The following KCNC2 variants were observed in gnomAD, a reference collection of about 807,000 sequenced individuals.
The protein encoded by KCNC2 is potassium voltage-gated channel subfamily C member 2, also known as voltage-gated potassium channel KCNC2.
A neutral mutation model predicts 44.5 loss-of-function variants in KCNC2; 21 were observed. That is an observed-to-expected ratio of 0.47 (90% CI 0.33 to 0.68). The LOEUF is 0.68. Ranked by LOEUF, KCNC2 falls within the 30% of genes least tolerant of loss-of-function variation. The pLI, the probability that KCNC2 is intolerant of heterozygous loss-of-function variation, is 0.01. For missense variants in KCNC2, 589 were observed against 826.2 expected (o/e 0.71, Z 3.52); for synonymous variants, 391 against 339.1 (o/e 1.15, Z -1.68).
intron 2 of KCNC2, among the ~76,000 whole-genome samples, chr12:75,157,726 A>T (rs141102587): frequency 6.6e-6 from 1 of 152,038 alleles, no homozygotes; most frequent in East Asian, 1.9e-4. Context: ...AAGGAATTTA[A>T]GATGCTAAAC....
rs183526806 is a variant in KCNC2, at chr12:75,178,497, A to G, written c.687+28800T>C. On this transcript the variant is annotated intron_variant, in intron 2 of 4. Coordinates refer to ENST00000549446, the MANE Select transcript of KCNC2 (RefSeq NM_139137.4). ...TGTTTCTTAAAATTGTGTTTTGTTT[A>G]CTATTAACAATTTTGCAAAGACTTC... 3.5e-4 allele frequency among the ~76,000 whole-genome samples: 54 copies of G among 152,132 alleles called. 1 individual carries two copies. Among genetic ancestry groups the G allele is most frequent in the African/African-American group, 1.3e-3 (54 of 41,556 alleles).
intron 2 of KCNC2, among the ~76,000 whole-genome samples, chr12:75,166,612 A>G (rs946694742): frequency 4.6e-5 from 7 of 151,326 alleles, no homozygotes; most frequent in African/African-American, 1.2e-4. Context: ...TACAAACTAC[A>G]TTCTGCGATC....
Position 75,207,248 on chromosome 12 carries a change from G to A in KCNC2, c.687+49C>T. 2.0e-6 allele frequency: 3 copies of A among 1,506,392 alleles called. No homozygotes were observed. The highest frequency in any genetic ancestry group is 2.7e-6 in the Non-Finnish European group (3 of 1,130,764). The allele number at this position is 1,506,392 out of a possible 1,614,324, so 93.3% of individuals were successfully genotyped here. ...GGAAAAGAACAGAAAGTTGGGGAGG[G>A]AGTTGGGAGAAGTTGAAGCAGCAGG... On this transcript the variant is annotated intron_variant, in intron 2 of 4. Transcript: ENST00000549446. This position sits in a 1 kb window ranked among gnomAD's most constrained non-coding sequence, Gnocchi z 4.1.
chr12:75,131,701 G>A (rs1888856759), intron 2 of KCNC2, among the ~76,000 whole-genome samples: 1 of 152,128 alleles, frequency 6.6e-6, no homozygotes, highest in South Asian at 2.1e-4. Flanking sequence ...AGGAAGTCAG[G>A]CCCTGTAGGA....
At chr12:75,149,739 A>AT (rs1565893607) in intron 2 of KCNC2, among the ~76,000 whole-genome samples, 1 of 151,864 alleles carries the variant, frequency 6.6e-6, no homozygotes, top group African/African-American at 2.4e-5. Context: ...GAAAAAAAAA[A>AT]GTCTAGTATA....
At chr12:75,153,189 A>G (rs1260323265) in intron 2 of KCNC2, among the ~76,000 whole-genome samples, 28 of 152,054 alleles carry the variant, frequency 1.8e-4, no homozygotes. Context: ...GTGATTGGGA[A>G]GAAGACATGG....
intron 2 of KCNC2, among the ~76,000 whole-genome samples, chr12:75,194,615 C>G (rs1412434808): frequency 6.6e-6 from 1 of 152,086 alleles, no homozygotes; most frequent in East Asian, 1.9e-4. Context: ...CGTGGAAACT[C>G]AGAGAGAGAA....
chr12:75,205,276 A>G (rs983780513), intron 2 of KCNC2, among the ~76,000 whole-genome samples: 1 of 152,106 alleles, frequency 6.6e-6, no homozygotes, highest in African/African-American at 2.4e-5. Context: ...TCCCTCATCT[A>G]CAGTATAAAG....
chr12:75,181,046 T>G (rs1213682833), intron 2 of KCNC2, among the ~76,000 whole-genome samples: 2 of 152,146 alleles, frequency 1.3e-5, no homozygotes, highest in Non-Finnish European at 2.9e-5. Flanking sequence ...AATAAATACT[T>G]AAAAGAGAGT....
chr12:75,087,282 A>G (rs111576969), intron 2 of KCNC2, among the ~76,000 whole-genome samples: 6 of 152,124 alleles, frequency 3.9e-5, no homozygotes, highest in African/African-American at 1.4e-4. Context: ...GAAAGCAGTT[A>G]TGATGAGGAT....
At chr12:75,088,830 T>G (rs1263280250) in intron 2 of KCNC2, among the ~76,000 whole-genome samples, 1 of 151,974 alleles carries the variant, frequency 6.6e-6, no homozygotes, top group African/African-American at 2.4e-5. Context: ...ATATATAATC[T>G]AATATATAAA....
chr12:75,179,686 A>AATAAAAG (rs1361556712), intron 2 of KCNC2, among the ~76,000 whole-genome samples: 1 of 149,944 alleles, frequency 6.7e-6, no homozygotes, highest in African/African-American at 2.5e-5. Flanking sequence ...AAAAACTATA[A>AATAAAAG]AAGATATAAA....
At chr12:75,126,001 A>C (rs1888395070) in intron 2 of KCNC2, among the ~76,000 whole-genome samples, 1 of 152,158 alleles carries the variant, frequency 6.6e-6, no homozygotes. Flanking sequence ...ACACCATACT[A>C]TAAATATTAT....
intron 2 of KCNC2, among the ~76,000 whole-genome samples, chr12:75,065,582 C>T (rs530284159): frequency 8.4e-4 from 128 of 152,104 alleles, no homozygotes; most frequent in African/African-American, 2.7e-3. Context: ...TTCTTAGACA[C>T]GCAATACTTA....
intron 2 of KCNC2, among the ~76,000 whole-genome samples, chr12:75,186,588 T>C (rs185821122): frequency 1.3e-5 from 2 of 152,218 alleles, no homozygotes; most frequent in Admixed American, 1.3e-4. Flanking sequence ...TATGCAACAA[T>C]TACTTTCCTC....
intron 2 of KCNC2, among the ~76,000 whole-genome samples, chr12:75,167,929 C>T (rs1415519428): frequency 2.0e-5 from 3 of 151,212 alleles, no homozygotes; most frequent in Non-Finnish European, 3.0e-5. Flanking sequence ...ATCATCATTT[C>T]CAATTTTATC....
At chr12:75,146,526 C>T (rs997269552) in intron 2 of KCNC2, among the ~76,000 whole-genome samples, 1 of 152,112 alleles carries the variant, frequency 6.6e-6, no homozygotes, top group Non-Finnish European at 1.5e-5. Context: ...TATGTGTAAA[C>T]CACACTTTAT....
chr12:75,148,093 C>G (rs190449419), intron 2 of KCNC2, among the ~76,000 whole-genome samples: 104 of 152,104 alleles, frequency 6.8e-4, no homozygotes, highest in African/African-American at 2.4e-3. Flanking sequence ...TCTCTTTTCC[C>G]CATCCACTTT....
At chr12:75,123,122 G>A (rs948742810) in intron 2 of KCNC2, among the ~76,000 whole-genome samples, 2 of 151,944 alleles carry the variant, frequency 1.3e-5, no homozygotes, top group African/African-American at 4.8e-5. Flanking sequence ...TTTAAAAGAT[G>A]ATTTTTCTCT....
Sources: allele counts gnomAD v4.1 joint callset (sites outside exome capture counted in the v4.1 genomes callset), GRCh38; gene constraint gnomAD v4.1.1; non-coding constraint Gnocchi (gnomAD v3.1); transcripts MANE v1.5; gene names NCBI Gene and HGNC (gene_info 2026-07-23, HGNC 2026-07-21).